The following MEAK7 variants were observed in gnomAD, a reference collection of about 807,000 sequenced individuals.
MEAK7 encodes the protein MTOR-associated protein MEAK7.
A neutral mutation model predicts 40.5 loss-of-function variants in MEAK7; 68 were observed. That is an observed-to-expected ratio of 1.68 (90% CI 1.38 to 2.06). The LOEUF (loss-of-function observed/expected upper bound fraction) is 2.06, where lower values mean the gene tolerates loss of function less well. Ranked by LOEUF, MEAK7 falls within the 30% of genes most tolerant of loss-of-function variation. MEAK7 has a pLI of 0.00. For missense variants in MEAK7, 918 were observed against 580.5 expected, an observed-to-expected ratio of 1.58 and a Z score of -5.98; for synonymous variants, 338 against 231.9, an observed-to-expected ratio of 1.46 and a Z score of -4.16.
chr16:84,486,733 T>C lies in MEAK7; in HGVS notation c.856A>G (p.Ile286Val), dbSNP rs141459520. 1,027 of 1,613,982 alleles carry C rather than the reference T, an allele frequency of 6.4e-4. 2 individuals are homozygous for C. Among genetic ancestry groups the C allele is most frequent in the Admixed American group, 4.5e-3 (271 of 60,014 alleles). ...GCCACACAGGGTCCCCGGTGAGTGA[T>C]GTGGCCACAGAGCTGGGAGAAGCTG... Reference protein sequence around the residue: ...GHSFSQLCGHITHRGPCVAVL... With the variant: ...GHSFSQLCGHVTHRGPCVAVL... The change falls in exon 5 of 8, where the codon ATC becomes GTC. Residue 286 changes from isoleucine to valine, a missense_variant. Coordinates refer to ENST00000343629, the MANE Select transcript of MEAK7 (RefSeq NM_020947.4).
rs1238022936 is a variant in MEAK7, at chr16:84,479,083, G to A, written c.*830C>T. 6.6e-6 allele frequency: 1 copy of A among 152,174 alleles called. No homozygotes were observed. The highest frequency in any genetic ancestry group is 1.5e-5 in the Non-Finnish European group (1 of 68,052). The allele number at this position is 152,174 out of a possible 1,614,324, so 9.4% of individuals were successfully genotyped here. A position where few individuals can be genotyped will look rare whatever the true frequency, so the allele number is the denominator to read the frequency against. On this transcript the variant is annotated 3_prime_UTR_variant, in exon 8 of 8. Transcript: ENST00000343629. ...CATTCATTTAAAAACAGCTGAGAGA[G>A]CTGGGTGTGGAACCTTATTACAAAT...
At chr16:84,481,657 G>A (rs1416591691) in intron 6 of MEAK7, among the ~76,000 whole-genome samples, 2 of 152,214 alleles carry the variant, frequency 1.3e-5, no homozygotes, top group African/African-American at 4.8e-5. Context: ...CTGTCAGCTG[G>A]GCGCAGTGGC....
rs1009142623 is a variant in MEAK7, at chr16:84,476,634, T to C, written c.*3279A>G. 6.6e-6 allele frequency: 1 copy of C among 152,086 alleles called. No homozygotes were observed. The highest frequency in any genetic ancestry group is 1.5e-5 in the Non-Finnish European group (1 of 68,002). 9.4% of individuals were successfully genotyped at this position (152,086 alleles called of 1,614,324 possible). Reference sequence around the variant, plus strand: ...GGAACGCTAGGCCCGAGAGCATCCATATGGTGGGACATCACGCAGTCCATA... The same window carrying C: ...GGAACGCTAGGCCCGAGAGCATCCACATGGTGGGACATCACGCAGTCCATA... On this transcript the variant is annotated 3_prime_UTR_variant, in exon 8 of 8. Coordinates refer to ENST00000343629, the MANE Select transcript of MEAK7 (RefSeq NM_020947.4).
At chr16:84,489,642 C>T (rs1454089694) in intron 3 of MEAK7, among the ~76,000 whole-genome samples, 1 of 152,128 alleles carries the variant, frequency 6.6e-6, no homozygotes, top group Non-Finnish European at 1.5e-5. Flanking sequence ...TGACCTCATC[C>T]CAACAGTATT....
chr16:84,504,494 A>C, intron 1 of MEAK7, 107 bp downstream of exon 1: 1 of 681,284 alleles, frequency 1.5e-6, no homozygotes, highest in Non-Finnish European at 1.8e-6. Context: ...GAGGCCAGGG[A>C]GGGGCAGGGC....
chr16:84,493,986 C>T (rs950832516), intron 3 of MEAK7, among the ~76,000 whole-genome samples: 5 of 152,140 alleles, frequency 3.3e-5, no homozygotes, highest in Admixed American at 6.5e-5. Flanking sequence ...TGGGTATCTA[C>T]AGGCACAGAT....
At chr16:84,488,813 A>C (rs564446657) in intron 4 of MEAK7, among the ~76,000 whole-genome samples, 1 of 152,236 alleles carries the variant, frequency 6.6e-6, no homozygotes, top group East Asian at 1.9e-4. Context: ...GAAATGTGCA[A>C]GTGTAAATGC....
intron 1 of MEAK7, among the ~76,000 whole-genome samples, chr16:84,499,399 A>G (rs1416881083): frequency 6.6e-6 from 1 of 152,130 alleles, no homozygotes; most frequent in African/African-American, 2.4e-5. Context: ...CTTTCCCCCA[A>G]GGTATTTAGC....
chr16:84,480,082 A>C, intron 7 of MEAK7, 56 bp from the exon 8 acceptor site: 1 of 1,382,392 alleles, frequency 7.2e-7, no homozygotes, highest in Non-Finnish European at 9.9e-7. Flanking sequence ...AAGAGGCAGC[A>C]GCTTCCTGCT....
At position 84,482,659 on chromosome 16, in the gene MEAK7, G is replaced by A. The variant is rs1322597977; in HGVS notation, c.1010C>T (p.Thr337Ile). The change falls in exon 6 of 8, where the codon ACA (threonine) becomes ATA (isoleucine). Residue 337 changes from threonine to isoleucine, a missense_variant. Coordinates refer to ENST00000343629, the MANE Select transcript of MEAK7 (RefSeq NM_020947.4). ...GTAGTGGTCGTTGTAGCCCGTGTGTGTGTACACAGCCATGCTGGGGCAGAT... is the reference window on the plus strand; with the variant it reads ...GTAGTGGTCGTTGTAGCCCGTGTGTATGTACACAGCCATGCTGGGGCAGAT... Reference protein sequence around the residue: ...FSICPSMAVYTHTGYNDHYMY... With the variant: ...FSICPSMAVYIHTGYNDHYMY... 1.9e-6 allele frequency: 3 copies of A among 1,614,136 alleles called. No individual in the cohort carries two copies. Among genetic ancestry groups the A allele is most frequent in the Non-Finnish European group, 2.5e-6 (3 of 1,180,050 alleles).
chr16:84,482,508 G>T, intron 6 of MEAK7, 84 bp downstream of exon 6: 3 of 1,606,252 alleles, frequency 1.9e-6, no homozygotes, highest in Non-Finnish European at 2.6e-6. Flanking sequence ...GCCCTGCCCT[G>T]ATCTGTGGAG....
At chr16:84,500,097 T>G (rs1914375588) in intron 1 of MEAK7, 1 of 152,226 alleles carries the variant, frequency 6.6e-6, no homozygotes, top group Non-Finnish European at 1.5e-5. Context: ...TCTTTTCATT[T>G]AGCATCGTGT....
At chr16:84,497,460 T>A (rs532181520) in intron 2 of MEAK7, 6 of 1,289,736 alleles carry the variant, frequency 4.7e-6, no homozygotes, top group Non-Finnish European at 6.1e-6. Flanking sequence ...TCATGGTTCC[T>A]GGACCGACGA....
chr16:84,483,826 AAGGTGTGGGACAG>A (rs1484717504), intron 5 of MEAK7, among the ~76,000 whole-genome samples: 5 of 152,190 alleles, frequency 3.3e-5, no homozygotes, highest in Non-Finnish European at 7.3e-5. Flanking sequence ...CCATGAGGAC[AAGGTGTGGGACAG>A]GTACGGAACA....
At chr16:84,486,425 C>G (rs1186087583) in intron 5 of MEAK7, 1 of 1,361,802 alleles carries the variant, frequency 7.3e-7, no homozygotes, top group Non-Finnish European at 9.4e-7. Context: ...CGCCTGAAAA[C>G]TGGGGGTCAC....
rs555112996 is a variant in MEAK7 at position 84,499,588 on chromosome 16, G to A, written c.-25-1477C>T. On this transcript the variant is annotated intron_variant, in intron 1 of 7. Coordinates refer to ENST00000343629, the MANE Select transcript of MEAK7 (RefSeq NM_020947.4). ...GTGGCATTTAGGACCTTCACAATAC[G>A]GTGCAACCCTCACAGATCCAAAACA... 1.8e-4 allele frequency among the ~76,000 whole-genome samples: 27 copies of A among 152,154 alleles called. No individual in the cohort carries two copies. In the East Asian group the frequency reaches 4.0e-3, roughly 23 times the overall value.
chr16:84,500,982 C>T (rs1362740743), intron 1 of MEAK7, among the ~76,000 whole-genome samples: 1 of 151,644 alleles, frequency 6.6e-6, no homozygotes, highest in Non-Finnish European at 1.5e-5. Context: ...GTAATCCCAG[C>T]TACTTGGGAG....
intron 3 of MEAK7, among the ~76,000 whole-genome samples, chr16:84,491,127 C>A (rs925032048): frequency 6.6e-6 from 1 of 152,174 alleles, no homozygotes; most frequent in African/African-American, 2.4e-5. Context: ...GGAGACAATT[C>A]AAATTATTTA....
chr16:84,491,031 G>C (rs1217476025), intron 3 of MEAK7, among the ~76,000 whole-genome samples: 2 of 152,170 alleles, frequency 1.3e-5, no homozygotes, highest in Admixed American at 6.5e-5. Flanking sequence ...TTACTACACA[G>C]CTACTCTTTA....
Sources: allele counts gnomAD v4.1 joint callset (sites outside exome capture counted in the v4.1 genomes callset), GRCh38; gene constraint gnomAD v4.1.1; transcripts MANE v1.5; gene names NCBI Gene and HGNC (gene_info 2026-07-23, HGNC 2026-07-21).